Variants in ROBO2 observed in about 807,000 individuals in gnomAD.
The protein encoded by ROBO2 is roundabout homolog 2.
Under a neutral mutation model 160.8 loss-of-function variants are expected in ROBO2, and 53 were observed. That is an observed-to-expected ratio of 0.33 (90% CI 0.26 to 0.41). ROBO2 has a LOEUF of 0.41. Ranked by LOEUF, ROBO2 falls within the 10% of genes least tolerant of loss-of-function variation. The pLI is 1.00. For synonymous variants in ROBO2, 664 were observed against 611.7 expected, an observed-to-expected ratio of 1.09 and a Z score of -1.26; for missense variants, 1,577 against 1,722.4, an observed-to-expected ratio of 0.92 and a Z score of 1.49.
intron 2 of ROBO2, among the ~76,000 whole-genome samples, chr3:76,323,175 A>ACACC (rs752990413): frequency 1.0e-3 from 146 of 145,710 alleles, no homozygotes; most frequent in African/African-American, 3.2e-3. Context: ...ACACACACAC[A>ACACC]CCCCTAAAGG....
At chr3:76,922,921 C>T (rs2076757055) in intron 2 of ROBO2, among the ~76,000 whole-genome samples, 2 of 152,204 alleles carry the variant, frequency 1.3e-5, no homozygotes, top group African/African-American at 4.8e-5. Flanking sequence ...GCTTTCCTGA[C>T]AGGGTGCAAA....
chr3:76,646,103 G>A (rs2109796466), intron 2 of ROBO2, among the ~76,000 whole-genome samples: 1 of 152,296 alleles, frequency 6.6e-6, no homozygotes, highest in Non-Finnish European at 1.5e-5. Flanking sequence ...TTAGGAAGAA[G>A]AATGAGATGA....
intron 2 of ROBO2, among the ~76,000 whole-genome samples, chr3:77,277,230 G>T (rs930617590): frequency 5.9e-4 from 57 of 96,764 alleles, no homozygotes; most frequent in African/African-American, 1.2e-3. Flanking sequence ...TTTCTTTCTT[G>T]TCTTTCTTTC....
chr3:77,215,550 T>A (rs957632399), intron 2 of ROBO2, among the ~76,000 whole-genome samples: 1 of 152,168 alleles, frequency 6.6e-6, no homozygotes, highest in African/African-American at 2.4e-5. Context: ...TCAGAGTATT[T>A]GATCATCTGA....
intron 2 of ROBO2, among the ~76,000 whole-genome samples, chr3:76,955,360 T>C (rs1438305819): frequency 6.6e-6 from 1 of 152,182 alleles, no homozygotes; most frequent in African/African-American, 2.4e-5. Context: ...TTTTCAGTTC[T>C]TTTGGGTATA....
At chr3:77,059,062 A>AT (rs2066033797) in intron 1 of ROBO2, among the ~76,000 whole-genome samples, 1 of 152,212 alleles carries the variant, frequency 6.6e-6, no homozygotes, top group African/African-American at 2.4e-5. Context: ...ATTTTTAAGT[A>AT]TTATGAAAGA....
intron 2 of ROBO2, among the ~76,000 whole-genome samples, chr3:76,737,613 A>C (rs1207251445): frequency 1.3e-5 from 2 of 152,136 alleles, no homozygotes; most frequent in African/African-American, 4.8e-5. Flanking sequence ...TTCCTTAGCT[A>C]TATAAAATTC....
chr3:77,173,012 C>T (rs1485132374), intron 2 of ROBO2, among the ~76,000 whole-genome samples: 3 of 152,014 alleles, frequency 2.0e-5, no homozygotes, highest in African/African-American at 7.2e-5. Context: ...TGTTTGCATT[C>T]GATGAACTCT....
chr3:76,528,729 A>T (rs906745953), intron 2 of ROBO2, among the ~76,000 whole-genome samples: 3 of 152,050 alleles, frequency 2.0e-5, no homozygotes, highest in Non-Finnish European at 4.4e-5. Flanking sequence ...AATCTACGAG[A>T]CCAGATGTGA....
At chr3:76,281,113 A>G (rs866965817) in intron 2 of ROBO2, among the ~76,000 whole-genome samples, 1 of 152,042 alleles carries the variant, frequency 6.6e-6, no homozygotes, top group African/African-American at 2.4e-5. Flanking sequence ...TATCAAAAAT[A>G]ATAAATCCAA....
chr3:76,157,475 G>T (rs1190644595), intron 2 of ROBO2, among the ~76,000 whole-genome samples: 1 of 152,132 alleles, frequency 6.6e-6, no homozygotes, highest in East Asian at 1.9e-4. Flanking sequence ...ATATAATCAA[G>T]AATTGATTGC....
At chr3:75,912,489 G>A (rs961848811) in intron 1 of ROBO2, among the ~76,000 whole-genome samples, 10 of 152,192 alleles carry the variant, frequency 6.6e-5, no homozygotes, top group African/African-American at 2.4e-4. Flanking sequence ...GTTGGTGGAA[G>A]ATAGCATCAC....
chr3:76,453,495 G>A (rs903899724), intron 2 of ROBO2, among the ~76,000 whole-genome samples: 5 of 152,020 alleles, frequency 3.3e-5, no homozygotes, highest in South Asian at 2.1e-4. Flanking sequence ...GTAGATATGC[G>A]GCATTATTTC....
At chr3:76,642,738 C>T (rs1343742205) in intron 2 of ROBO2, among the ~76,000 whole-genome samples, 2 of 152,122 alleles carry the variant, frequency 1.3e-5, no homozygotes, top group South Asian at 2.1e-4. Flanking sequence ...GAGTACTTTA[C>T]AATCTTCAAT....
At chr3:76,343,215 A>C (rs899543337) in intron 2 of ROBO2, among the ~76,000 whole-genome samples, 1 of 152,106 alleles carries the variant, frequency 6.6e-6, no homozygotes, top group African/African-American at 2.4e-5. Context: ...CAGACCAAAT[A>C]ATCTCTATTA....
At chr3:76,849,538 A>G (rs11917778) in intron 2 of ROBO2, among the ~76,000 whole-genome samples, 2,733 of 152,324 alleles carry the variant, frequency 0.018, 78 homozygotes, top group African/African-American at 0.062. Context: ...AACATAAGCT[A>G]TCTCCCAAAT....
chr3:76,826,050 TG>T (rs1287023915), intron 2 of ROBO2, among the ~76,000 whole-genome samples: 2 of 142,102 alleles, frequency 1.4e-5, no homozygotes, highest in Non-Finnish European at 3.1e-5. Flanking sequence ...AGTGAGTTTG[TG>T]GGTTTTTTTT....
At chr3:77,348,645 T>C (rs1254988714) in intron 2 of ROBO2, among the ~76,000 whole-genome samples, 1 of 152,200 alleles carries the variant, frequency 6.6e-6, no homozygotes, top group Non-Finnish European at 1.5e-5. Flanking sequence ...CTATTTGTTC[T>C]ATTTTCAGAA....
chr3:77,219,489 G>GTATATATATATATATATATA (rs10654899), intron 2 of ROBO2, among the ~76,000 whole-genome samples: 2 of 111,476 alleles, frequency 1.8e-5, no homozygotes, highest in African/African-American at 3.3e-5. Flanking sequence ...TATATAATCT[G>GTATATATATATATATATATA]TATATATATA....
Sources: allele counts gnomAD v4.1 joint callset (sites outside exome capture counted in the v4.1 genomes callset), GRCh38; gene constraint gnomAD v4.1.1; transcripts MANE v1.5; gene names NCBI Gene and HGNC (gene_info 2026-07-23, HGNC 2026-07-21).